Variants in RANBP2 observed in about 807,000 individuals in gnomAD.
RANBP2 encodes the protein E3 SUMO-protein ligase RanBP2.
Under a neutral mutation model 303.6 loss-of-function variants are expected in RANBP2, and 57 were observed. That is an observed-to-expected ratio of 0.19 (90% CI 0.15 to 0.23). The LOEUF is 0.23. Among genes scored for constraint, RANBP2 ranks in the 10% least tolerant of loss-of-function variants. RANBP2 has a pLI of 1.00. For synonymous variants in RANBP2, 1,167 were observed against 1,301.5 expected (o/e 0.90, Z 2.23); for missense variants, 3,138 against 3,780.8 (o/e 0.83, Z 4.46).
At chr2:109,165,131 A>G in the RANBP2 span, among the ~76,000 whole-genome samples, 1 of 152,148 alleles carries the variant, frequency 6.6e-6, no homozygotes, top group Non-Finnish European at 1.5e-5. Context: ...CTCCTTTAGT[A>G]AGGACAAATG....
chr2:109,660,593 G>C, the RANBP2 span, among the ~76,000 whole-genome samples: 2 of 152,232 alleles, frequency 1.3e-5, no homozygotes, highest in Admixed American at 6.5e-5. Context: ...GCATCAAGTA[G>C]TCCCCATGCC....
At chr2:109,347,624 G>GC in the RANBP2 span, 2 of 1,587,164 alleles carry the variant, frequency 1.3e-6, no homozygotes, top group African/African-American at 2.7e-5. Flanking sequence ...CCACTGTGGG[G>GC]CATTGGGAAG....
the RANBP2 span, among the ~76,000 whole-genome samples, chr2:109,513,387 T>A: frequency 6.6e-6 from 1 of 151,080 alleles, no homozygotes; most frequent in Non-Finnish European, 1.5e-5. Flanking sequence ...ACTTCACACA[T>A]GTACACATGC....
chr2:109,304,883 G>C, the RANBP2 span, among the ~76,000 whole-genome samples: 1 of 152,146 alleles, frequency 6.6e-6, no homozygotes, highest in South Asian at 2.1e-4. Flanking sequence ...GAAGACATGG[G>C]GTGACGCTGC....
At chr2:108,773,113 A>AT (rs754559645) in intron 23 of RANBP2, 67 bp downstream of exon 23, 83 of 1,461,010 alleles carry the variant, frequency 5.7e-5, no homozygotes, top group Non-Finnish European at 7.6e-5. Flanking sequence ...AAACTTTAGA[A>AT]TGTTCTTATT....
chr2:109,225,195 C>T, the RANBP2 span, among the ~76,000 whole-genome samples: 42 of 152,278 alleles, frequency 2.8e-4, no homozygotes, highest in African/African-American at 1.0e-3. Context: ...GAGATTCTAT[C>T]TTGCCCCATT....
chr2:108,806,353 A>G, the RANBP2 span, among the ~76,000 whole-genome samples: 2 of 152,278 alleles, frequency 1.3e-5, no homozygotes, highest in African/African-American at 2.4e-5. Context: ...ATAATTTTGC[A>G]TGTAGTTGCA....
At chr2:108,773,883 G>A (rs773548083) in intron 23 of RANBP2, among the ~76,000 whole-genome samples, 6 of 152,118 alleles carry the variant, frequency 3.9e-5, no homozygotes, top group Non-Finnish European at 7.4e-5. Flanking sequence ...TCTTGACCTC[G>A]TGATCCACCC....
chr2:109,220,004 T>A, the RANBP2 span, among the ~76,000 whole-genome samples: 3 of 152,210 alleles, frequency 2.0e-5, no homozygotes, highest in Non-Finnish European at 4.4e-5. Flanking sequence ...GTTGGAAGAC[T>A]CACACTTCCT....
the RANBP2 span, among the ~76,000 whole-genome samples, chr2:109,113,330 T>C: frequency 6.6e-6 from 1 of 152,018 alleles, no homozygotes; most frequent in Non-Finnish European, 1.5e-5. Context: ...TTTGTAGTTC[T>C]CCTTGAAGAG....
the RANBP2 span, among the ~76,000 whole-genome samples, chr2:109,548,340 T>A: frequency 6.6e-6 from 1 of 152,174 alleles, no homozygotes; most frequent in Non-Finnish European, 1.5e-5. Context: ...ACATTTTAGT[T>A]CTGGGTAGAA....
At chr2:109,671,113 G>C in the RANBP2 span, among the ~76,000 whole-genome samples, 1 of 152,240 alleles carries the variant, frequency 6.6e-6, no homozygotes, top group Non-Finnish European at 1.5e-5. Flanking sequence ...CCTGCAACCT[G>C]GTCTAGGTTT....
chr2:109,446,152 A>C, the RANBP2 span, among the ~76,000 whole-genome samples: 1 of 152,090 alleles, frequency 6.6e-6, no homozygotes, highest in East Asian at 1.9e-4. Flanking sequence ...ATCCTACCAG[A>C]GATGAGCACA....
the RANBP2 span, among the ~76,000 whole-genome samples, chr2:109,360,230 T>C: frequency 1.3e-5 from 2 of 152,218 alleles, no homozygotes; most frequent in Non-Finnish European, 2.9e-5. Context: ...GTAATTTTTT[T>C]CACTGTATTA....
chr2:109,513,000 G>A, the RANBP2 span, among the ~76,000 whole-genome samples: 1 of 152,202 alleles, frequency 6.6e-6, no homozygotes, highest in Non-Finnish European at 1.5e-5. Flanking sequence ...AAACCTGCAA[G>A]AGCCCACACA....
chr2:109,595,281 G>A, the RANBP2 span, among the ~76,000 whole-genome samples: 31 of 152,104 alleles, frequency 2.0e-4, 1 homozygote, highest in African/African-American at 5.6e-4. Flanking sequence ...GCTCAGTGAG[G>A]GACACAACGG....
At chr2:109,531,856 G>A in the RANBP2 span, among the ~76,000 whole-genome samples, 1 of 152,218 alleles carries the variant, frequency 6.6e-6, no homozygotes, top group African/African-American at 2.4e-5. Flanking sequence ...CACCTCAAGG[G>A]GAGGGATTAA....
chr2:108,910,892 G>A, the RANBP2 span: 1 of 1,613,860 alleles, frequency 6.2e-7, no homozygotes, highest in Non-Finnish European at 8.5e-7. Context: ...CTCTCCGACA[G>A]GGGGAGTTGA....
chr2:109,002,703 C>T, the RANBP2 span, among the ~76,000 whole-genome samples: 7 of 152,292 alleles, frequency 4.6e-5, no homozygotes, highest in East Asian at 1.9e-4. Context: ...TAAAGCTAGA[C>T]CTGCCATTGG....
Sources: allele counts gnomAD v4.1 joint callset (sites outside exome capture counted in the v4.1 genomes callset), GRCh38; gene constraint gnomAD v4.1.1; transcripts MANE v1.5; gene names NCBI Gene and HGNC (gene_info 2026-07-23, HGNC 2026-07-21).